The following ADGRA3 variants were observed in gnomAD, a reference collection of about 807,000 sequenced individuals.
ADGRA3 encodes the protein adhesion G protein-coupled receptor A3, also known as G-protein coupled receptor 125.
Under a neutral mutation model 119.8 loss-of-function variants are expected in ADGRA3, and 56 were observed. The ratio of observed to expected loss-of-function variants is 0.47; its 90% CI spans 0.38 to 0.58. The LOEUF is 0.58. Among genes scored for constraint, ADGRA3 ranks in the 20% least tolerant of loss-of-function variants. ADGRA3 has a pLI of 0.00. For missense variants in ADGRA3, 1,516 were observed against 1,649.0 expected (o/e 0.92, Z 1.40); for synonymous variants, 607 against 623.8 (o/e 0.97, Z 0.40).
intron 3 of ADGRA3, among the ~76,000 whole-genome samples, chr4:22,459,190 TA>T (rs1717354728): frequency 2.6e-5 from 4 of 152,168 alleles, no homozygotes; most frequent in African/African-American, 9.7e-5. Flanking sequence ...GACCAATTTT[TA>T]CAATTGGATT....
chr4:22,430,814 G>GAGGCATCCGAGGAAAAC (rs1218538815), intron 10 of ADGRA3, among the ~76,000 whole-genome samples: 6 of 18,760 alleles, frequency 3.2e-4, no homozygotes, highest in Admixed American at 2.1e-3. Flanking sequence ...ACAGGCCTGT[G>GAGGCATCCGAGGAAAAC]ATGGTTTCAT....
At chr4:22,509,950 C>T (rs1158435654) in intron 1 of ADGRA3, among the ~76,000 whole-genome samples, 1 of 141,700 alleles carries the variant, frequency 7.1e-6, no homozygotes, top group Non-Finnish European at 1.5e-5. Context: ...GCGGAGCTTG[C>T]AGTGAGCCGA....
In ADGRA3 at chr4:22,495,760, T is replaced by C. The variant is rs546712870; in HGVS notation, c.257+19768A>G. Among the ~76,000 whole-genome samples the C allele has an allele frequency of 7.9e-5, 12 of 152,032 alleles. No homozygotes were observed. The East Asian group carries it at 2.1e-3, about 27-fold the overall frequency. On this transcript the variant is annotated intron_variant, in intron 1 of 18. Coordinates refer to ENST00000334304, the MANE Select transcript of ADGRA3 (RefSeq NM_145290.4). Reference sequence around the variant, plus strand: ...CGTCGCTACTAAAAATACAAAAAAATTAGCCGGGCGTGGTGGCCGGCACCT... The same window carrying C: ...CGTCGCTACTAAAAATACAAAAAAACTAGCCGGGCGTGGTGGCCGGCACCT...
chr4:22,515,887 G>A lies in ADGRA3; in HGVS notation c.-103C>T. On this transcript the variant is annotated 5_prime_UTR_variant, in exon 1 of 19. Transcript: ENST00000334304. ...CGCGGCGCGGGCCCAGCGGCGACCG[G>A]AGCCTTATGGCGGCCGGAGGACGGG... 3 of 779,402 alleles carry A rather than the reference G, an allele frequency of 3.8e-6. No individual in the cohort carries two copies. Among genetic ancestry groups the A allele is most frequent in the Middle Eastern group, 6.5e-4 (1 of 1,540 alleles). 48.3% of individuals were successfully genotyped at this position (779,402 alleles called of 1,614,324 possible).
At position 22,388,123 on chromosome 4, in the gene ADGRA3, C is replaced by T. The variant is rs1360396330; in HGVS notation, c.3548G>A (p.Arg1183Gln). The T allele has an allele frequency of 6.2e-6, 10 of 1,613,974 alleles. No homozygotes were observed. Among genetic ancestry groups the T allele is most frequent in the African/African-American group, 1.3e-5 (1 of 74,918 alleles). ...GGCATATTCTCTCAGGACTGTGAGT[C>T]GGCTTGCCCGGTGTCCTTTACTTCT... Reference protein sequence around the residue: ...KNRSKGHRASRLTVLREYAYD... With the variant: ...KNRSKGHRASQLTVLREYAYD... Residue 1183 changes from arginine (R) to glutamine (Q), a missense_variant, in exon 19 of 19, where the codon CGA becomes CAA. By Grantham distance (43) the Arg-to-Gln change is conservative. Transcript: ENST00000334304.
chr4:22,452,697 C>T (rs556393577), intron 4 of ADGRA3, among the ~76,000 whole-genome samples: 221 of 152,298 alleles, frequency 1.5e-3, no homozygotes, highest in Non-Finnish European at 2.6e-3. Context: ...GAAGCTCTGT[C>T]TCACCCAGCT....
At chr4:22,423,681 G>A (rs1459423222) in intron 11 of ADGRA3, among the ~76,000 whole-genome samples, 1 of 152,202 alleles carries the variant, frequency 6.6e-6, no homozygotes, top group Non-Finnish European at 1.5e-5. Flanking sequence ...AGCTTCACAA[G>A]TGTTGGAAGG....
At chr4:22,391,701 C>T (rs1260228481) in intron 17 of ADGRA3, among the ~76,000 whole-genome samples, 1 of 152,162 alleles carries the variant, frequency 6.6e-6, no homozygotes, top group African/African-American at 2.4e-5. Context: ...TTAAATAGGA[C>T]ACACAAAGGC....
chr4:22,447,573 C>T, intron 4 of ADGRA3, 62 bp from the exon 5 acceptor site: 1 of 1,030,776 alleles, frequency 9.7e-7, no homozygotes, highest in South Asian at 1.5e-5. Flanking sequence ...TATCCTATTT[C>T]ATATTTTCTA....
chr4:22,412,874 AG>A (rs1715264465), intron 14 of ADGRA3, among the ~76,000 whole-genome samples: 1 of 152,172 alleles, frequency 6.6e-6, no homozygotes, highest in Admixed American at 6.5e-5. Context: ...TTCTGGGCAG[AG>A]GGAATCTGCA....
intron 1 of ADGRA3, among the ~76,000 whole-genome samples, chr4:22,476,904 T>C (rs1221643129): frequency 6.6e-6 from 1 of 152,120 alleles, no homozygotes; most frequent in Non-Finnish European, 1.5e-5. Flanking sequence ...TGACCTCAGA[T>C]GATCCGCCCA....
At chr4:22,423,308 A>C (rs1432214918) in intron 11 of ADGRA3, among the ~76,000 whole-genome samples, 1 of 152,186 alleles carries the variant, frequency 6.6e-6, no homozygotes, top group African/African-American at 2.4e-5. Flanking sequence ...TACTAAACTT[A>C]ATTGAGCAAA....
chr4:22,390,656 C>T (rs1714100245), intron 17 of ADGRA3, among the ~76,000 whole-genome samples: 2 of 151,742 alleles, frequency 1.3e-5, no homozygotes, highest in African/African-American at 4.8e-5. Flanking sequence ...TCGTGTCCCA[C>T]CCTCCAGGTA....
At chr4:22,449,593 A>G (rs1716958024) in intron 4 of ADGRA3, among the ~76,000 whole-genome samples, 2 of 152,134 alleles carry the variant, frequency 1.3e-5, no homozygotes, top group Non-Finnish European at 2.9e-5. Flanking sequence ...CACACTTGTA[A>G]TCCAGCACTT....
chr4:22,436,412 C>G, intron 9 of ADGRA3, 28 bp downstream of exon 9: 5 of 1,571,616 alleles, frequency 3.2e-6, no homozygotes, highest in Non-Finnish European at 4.4e-6. Context: ...CTCCACAACC[C>G]AAGTAAACAT....
chr4:22,515,453 C>T, intron 1 of ADGRA3, 75 bp downstream of exon 1: 1 of 1,533,722 alleles, frequency 6.5e-7, no homozygotes, highest in Non-Finnish European at 8.8e-7. Flanking sequence ...GCCGGCTGGA[C>T]CCTGCTCCAA....
At chr4:22,395,713 C>T (rs1714322188) in intron 16 of ADGRA3, among the ~76,000 whole-genome samples, 1 of 152,146 alleles carries the variant, frequency 6.6e-6, no homozygotes, top group South Asian at 2.1e-4. Context: ...TTGAATCATG[C>T]CTCTGCCACC....
chr4:22,430,859 C>A (rs1450632096), intron 10 of ADGRA3, among the ~76,000 whole-genome samples: 1 of 151,754 alleles, frequency 6.6e-6, no homozygotes, highest in African/African-American at 2.4e-5. Context: ...TGTGTGCAGT[C>A]TAGGGACTTG....
chr4:22,396,723 C>A (rs1376693408), intron 16 of ADGRA3, among the ~76,000 whole-genome samples: 2 of 151,594 alleles, frequency 1.3e-5, no homozygotes, highest in African/African-American at 4.8e-5. Context: ...AAGGGAAACA[C>A]ATTATAAACA....
Sources: allele counts gnomAD v4.1 joint callset (sites outside exome capture counted in the v4.1 genomes callset), GRCh38; gene constraint gnomAD v4.1.1; transcripts MANE v1.5; gene names NCBI Gene and HGNC (gene_info 2026-07-23, HGNC 2026-07-21).